Variants in LSR observed in about 807,000 individuals in gnomAD.
LSR encodes the protein lipolysis stimulated lipoprotein receptor.
In LSR, 44 loss-of-function variants were observed where a neutral mutation model predicts 61.8. The observed-to-expected ratio is 0.71, with a 90% CI of 0.56 to 0.91. The LOEUF is 0.91. Among genes scored for constraint, LSR ranks in the 40% least tolerant of loss-of-function variants. LSR has a pLI of 0.00. For synonymous variants in LSR, 397 were observed against 350.6 expected (o/e 1.13, Z -1.48); for missense variants, 911 against 830.5 (o/e 1.10, Z -1.19).
At chr19:35,267,760 A>G (rs1320050945) in intron 9 of LSR, 26 bp downstream of exon 9, 1 of 1,612,562 alleles carries the variant, frequency 6.2e-7, no homozygotes, top group Non-Finnish European at 8.5e-7. Context: ...CCTGGCGTCC[A>G]GACCGTCCCT....
chr19:35,260,148 C>T (rs2065908216), intron 3 of LSR, among the ~76,000 whole-genome samples: 2 of 152,156 alleles, frequency 1.3e-5, no homozygotes, highest in Non-Finnish European at 2.9e-5. Context: ...GCACCATTTG[C>T]ATCAGCAGTT....
In LSR at chr19:35,254,014, T is replaced by C. The variant is rs1276379274; in HGVS notation, c.454+3355T>C. ...GTGTGTGTCCTTTCAGGAAATCCCA[T>C]AGCCATAGGAGCTTCCTCTGTTTCA... On this transcript the variant is annotated intron_variant, in intron 2 of 9. Coordinates refer to ENST00000605618, the MANE Select transcript of LSR (RefSeq NM_205834.4). Among the ~76,000 whole-genome samples the C allele has an allele frequency of 2.0e-5, 3 of 152,168 alleles. No individual in the cohort carries two copies. In the East Asian group the frequency reaches 5.8e-4, roughly 29 times the overall value.
intron 3 of LSR, among the ~76,000 whole-genome samples, chr19:35,260,049 G>A (rs2065906881): frequency 6.6e-6 from 1 of 152,058 alleles, no homozygotes; most frequent in South Asian, 2.1e-4. Context: ...TGACTGGGGG[G>A]TACTTGGGCT....
chr19:35,260,850 ACACACG>A (rs966036789), intron 3 of LSR, among the ~76,000 whole-genome samples: 9 of 151,990 alleles, frequency 5.9e-5, no homozygotes, highest in African/African-American at 1.9e-4. Context: ...ACACACACAC[ACACACG>A]CATATAGTCC....
At chr19:35,260,291 CTTT>C (rs66534837) in intron 3 of LSR, among the ~76,000 whole-genome samples, 6 of 113,994 alleles carry the variant, frequency 5.3e-5, no homozygotes, top group Non-Finnish European at 6.8e-5. Flanking sequence ...GGAGATTTTC[CTTT>C]TTTTTTTTTT....
intron 5 of LSR, among the ~76,000 whole-genome samples, 191 bp from the exon 6 acceptor site, chr19:35,266,168 G>A (rs1568447643): frequency 1.3e-5 from 2 of 152,228 alleles, no homozygotes; most frequent in African/African-American, 2.4e-5. Flanking sequence ...TGAAGCTGGT[G>A]TCCCCCAGCC....
At position 35,262,925 on chromosome 19, in the gene LSR, C is replaced by T. The variant is rs2065949634; in HGVS notation, c.778+233C>T. The T allele has an allele frequency of 7.4e-6, 4 of 542,540 alleles. No individual in the cohort carries two copies. In the East Asian group the frequency reaches 1.3e-4, roughly 17 times the overall value. 33.6% of individuals were successfully genotyped at this position (542,540 alleles called of 1,614,324 possible). ...TTTTCTTTTGTAAGTATAATCCATA[C>T]ACATGGTAAAAATGTCCAACAGTAC... is the stretch of plus-strand genomic sequence containing the variant. On this transcript the variant is annotated intron_variant, in intron 5 of 9. Coordinates refer to ENST00000605618, the MANE Select transcript of LSR (RefSeq NM_205834.4).
chr19:35,254,851 T>G (rs1261686738), intron 2 of LSR, among the ~76,000 whole-genome samples: 2 of 152,172 alleles, frequency 1.3e-5, no homozygotes, highest in Non-Finnish European at 2.9e-5. Context: ...GCCGGAAAAC[T>G]ATATTTTTTG....
intron 1 of LSR, among the ~76,000 whole-genome samples, chr19:35,249,903 C>A (rs55745204): frequency 0.1 from 15,419 of 152,128 alleles, 1,016 homozygotes; most frequent in Admixed American, 0.18. Flanking sequence ...CCCCGGGTAA[C>A]CTGGAATCCT....
chr19:35,267,906 G>A lies in LSR; in HGVS notation c.*47G>A, dbSNP rs771917615. 3 of 1,597,712 alleles carry A rather than the reference G, an allele frequency of 1.9e-6. No individual in the cohort carries two copies. The highest frequency in any genetic ancestry group is 2.6e-6 in the Non-Finnish European group (3 of 1,166,454). Reference sequence around the variant, plus strand: ...TTTGTATTTTTTTTTTTAATTTGAAGGAACACTGATGAAGCCCTGCCATAC... The same window carrying A: ...TTTGTATTTTTTTTTTTAATTTGAAAGAACACTGATGAAGCCCTGCCATAC... On this transcript the variant is annotated 3_prime_UTR_variant, in exon 10 of 10. Coordinates refer to ENST00000605618, the MANE Select transcript of LSR (RefSeq NM_205834.4).
intron 1 of LSR, among the ~76,000 whole-genome samples, chr19:35,249,744 C>T (rs921724650): frequency 3.3e-5 from 5 of 152,228 alleles, no homozygotes; most frequent in African/African-American, 4.8e-5. Context: ...AGGTCTTTCC[C>T]GAGACACTTT....
intron 4 of LSR, 63 bp from the exon 5 acceptor site, chr19:35,262,483 G>A (rs2065943112): frequency 1.3e-6 from 2 of 1,585,110 alleles, no homozygotes; most frequent in South Asian, 2.2e-5. Flanking sequence ...ATGTACCCCT[G>A]CTGTGCCGTT....
intron 3 of LSR, among the ~76,000 whole-genome samples, chr19:35,260,350 G>A (rs1211852689): frequency 7.3e-6 from 1 of 136,906 alleles, no homozygotes; most frequent in Non-Finnish European, 1.5e-5. Flanking sequence ...GGAGTGCAGT[G>A]GCTCGATCTC....
chr19:35,264,507 TC>T (rs1273175345), intron 5 of LSR: 1 of 152,222 alleles, frequency 6.6e-6, no homozygotes, highest in Non-Finnish European at 1.5e-5. Context: ...CACTTCAGCA[TC>T]CCTCTAGCTG....
chr19:35,263,641 G>C (rs1483649458), intron 5 of LSR, among the ~76,000 whole-genome samples: 1 of 152,118 alleles, frequency 6.6e-6, no homozygotes, highest in East Asian at 1.9e-4. Flanking sequence ...GGGATTACAG[G>C]CATGTGCCAC....
At chr19:35,260,408 C>T (rs1251721996) in intron 3 of LSR, among the ~76,000 whole-genome samples, 2 of 150,586 alleles carry the variant, frequency 1.3e-5, no homozygotes, top group Non-Finnish European at 2.9e-5. Flanking sequence ...TCTCCTGCCT[C>T]AGCCTCCCAG....
intron 2 of LSR, among the ~76,000 whole-genome samples, chr19:35,252,648 CAA>C (rs57052855): frequency 0.17 from 12,857 of 74,238 alleles, 346 homozygotes; most frequent in African/African-American, 0.24. Flanking sequence ...GACTCTGTCT[CAA>C]AAAAAAAAAA....
intron 2 of LSR, among the ~76,000 whole-genome samples, chr19:35,257,600 T>C (rs1168829843): frequency 2.0e-5 from 3 of 152,094 alleles, no homozygotes; most frequent in Non-Finnish European, 4.4e-5. Flanking sequence ...AGAGCTGTCA[T>C]GCAGGAGGGC....
chr19:35,249,203 G>A, intron 1 of LSR, 72 bp downstream of exon 1: 2 of 1,481,514 alleles, frequency 1.3e-6, no homozygotes, highest in Non-Finnish European at 1.8e-6. Context: ...TGGAGTTGGA[G>A]GCGGCGGGAA....
Sources: allele counts gnomAD v4.1 joint callset (sites outside exome capture counted in the v4.1 genomes callset), GRCh38; gene constraint gnomAD v4.1.1; transcripts MANE v1.5; gene names NCBI Gene and HGNC (gene_info 2026-07-23, HGNC 2026-07-21).